Variants in SH2D4B observed in about 807,000 individuals in gnomAD.
SH2D4B encodes SH2 domain containing 4B.
A neutral mutation model predicts 61.5 loss-of-function variants in SH2D4B; 45 were observed. The ratio of observed to expected loss-of-function variants is 0.73; its 90% CI spans 0.58 to 0.94. The LOEUF (loss-of-function observed/expected upper bound fraction) is 0.94, where lower values mean the gene tolerates loss of function less well. SH2D4B is among the 40% of genes least tolerant of loss of function. SH2D4B has a pLI of 0.00. For synonymous variants in SH2D4B, 224 were observed against 220.4 expected (o/e 1.02, Z -0.14); for missense variants, 572 against 574.2 (o/e 1.00, Z 0.04).
chr10:80,606,700 T>A (rs1476700536), intron 5 of SH2D4B, among the ~76,000 whole-genome samples: 1 of 152,144 alleles, frequency 6.6e-6, no homozygotes, highest in Admixed American at 6.5e-5. Flanking sequence ...CTTAGAAAAT[T>A]CCTGAAAATT....
chr10:80,596,295 T>A (rs1374967165), intron 4 of SH2D4B, among the ~76,000 whole-genome samples: 1 of 152,180 alleles, frequency 6.6e-6, no homozygotes, highest in Non-Finnish European at 1.5e-5. Flanking sequence ...TGCCAAATAC[T>A]GCTAAAAACT....
chr10:80,611,910 G>T (rs1414839218), intron 6 of SH2D4B, among the ~76,000 whole-genome samples: 2 of 151,676 alleles, frequency 1.3e-5, no homozygotes. Context: ...ATGCAGAAAA[G>T]TTGCTGTTAC....
intron 6 of SH2D4B, 89 bp downstream of exon 6, chr10:80,609,640 T>G (rs549906511): frequency 6.3e-6 from 10 of 1,582,490 alleles, no homozygotes; most frequent in South Asian, 1.1e-5. Flanking sequence ...AGGACAGTTA[T>G]AATCAGGGGG....
At chr10:80,545,998 C>T (rs914177314) in intron 1 of SH2D4B, among the ~76,000 whole-genome samples, 6 of 147,846 alleles carry the variant, frequency 4.1e-5, no homozygotes, top group East Asian at 3.9e-4. Context: ...ATTTTCTCTC[C>T]TTTCTCTCTC....
At chr10:80,555,585 G>T (rs1366312630) in intron 1 of SH2D4B, among the ~76,000 whole-genome samples, 1 of 152,158 alleles carries the variant, frequency 6.6e-6, no homozygotes, top group African/African-American at 2.4e-5. Context: ...GTGCATACCT[G>T]TGAGTAAAGA....
chr10:80,587,130 GTTTTTTTTTTTTTTTGTTTTGTTTTT>G, intron 3 of SH2D4B, among the ~76,000 whole-genome samples: 1 of 67,244 alleles, frequency 1.5e-5, no homozygotes, highest in African/African-American at 9.1e-5. Context: ...TTCCGGCCAC[GTTTTTTTTTTTTTTTGTTTTGTTTTT>G]TTTTTTTTTT....
chr10:80,617,265 A>G (rs968281199), intron 6 of SH2D4B, among the ~76,000 whole-genome samples: 2 of 152,208 alleles, frequency 1.3e-5, no homozygotes, highest in Non-Finnish European at 2.9e-5. Flanking sequence ...GTGCCCAGCC[A>G]TCTCTGGGCT....
chr10:80,643,695 T>C (rs748384758), intron 7 of SH2D4B, among the ~76,000 whole-genome samples: 3 of 152,152 alleles, frequency 2.0e-5, no homozygotes, highest in Non-Finnish European at 4.4e-5. Context: ...CTCGGCTTGC[T>C]GTAACTGGTG....
intron 1 of SH2D4B, among the ~76,000 whole-genome samples, chr10:80,546,417 T>C (rs1564764706): frequency 6.6e-6 from 1 of 152,218 alleles, no homozygotes; most frequent in East Asian, 1.9e-4. Context: ...CTACTTTTTT[T>C]CTTTGCATTT....
chr10:80,623,134 C>T (rs377658771), intron 6 of SH2D4B, among the ~76,000 whole-genome samples: 14 of 152,270 alleles, frequency 9.2e-5, no homozygotes, highest in Admixed American at 5.9e-4. Context: ...AGGATTGTCT[C>T]GAACTCCTGA....
At chr10:80,592,838 T>C (rs149405368) in intron 4 of SH2D4B, among the ~76,000 whole-genome samples, 142 of 151,626 alleles carry the variant, frequency 9.4e-4, no homozygotes, top group African/African-American at 3.4e-3. Context: ...CATTTCAGCA[T>C]CCTGAGTAGC....
chr10:80,601,843 C>T (rs1387896312), intron 4 of SH2D4B, among the ~76,000 whole-genome samples: 1 of 152,160 alleles, frequency 6.6e-6, no homozygotes, highest in African/African-American at 2.4e-5. Flanking sequence ...TCTTGAGTGG[C>T]ACTGGAGTAG....
intron 1 of SH2D4B, among the ~76,000 whole-genome samples, chr10:80,566,503 C>T (rs557145457): frequency 6.6e-6 from 1 of 152,020 alleles, no homozygotes; most frequent in Non-Finnish European, 1.5e-5. Flanking sequence ...ATCATATTGG[C>T]CAAGCTGGTC....
chr10:80,634,169 G>T, intron 6 of SH2D4B, 116 bp from the exon 7 acceptor site: 2 of 1,365,124 alleles, frequency 1.5e-6, no homozygotes, highest in Non-Finnish European at 9.7e-7. Context: ...ACCCTGGACT[G>T]TGTGGATGGC....
intron 3 of SH2D4B, among the ~76,000 whole-genome samples, chr10:80,583,392 G>A (rs929695270): frequency 6.6e-6 from 1 of 152,042 alleles, no homozygotes. Context: ...GATGGAGCCG[G>A]GCGCGGTGGC....
chr10:80,580,019 G>A (rs1842170816), intron 3 of SH2D4B, among the ~76,000 whole-genome samples: 1 of 152,218 alleles, frequency 6.6e-6, no homozygotes. Flanking sequence ...GTCCTGTGCT[G>A]TGAACTGGCA....
intron 6 of SH2D4B, among the ~76,000 whole-genome samples, chr10:80,629,781 C>T (rs1242626816): frequency 6.6e-6 from 1 of 152,208 alleles, no homozygotes; most frequent in African/African-American, 2.4e-5. Flanking sequence ...TAAGACATAG[C>T]TATTAATATC....
intron 1 of SH2D4B, among the ~76,000 whole-genome samples, chr10:80,552,782 G>A (rs150061049): frequency 6.6e-6 from 1 of 152,076 alleles, no homozygotes. Context: ...TTAGATGTTG[G>A]GGTCTAAATT....
At chr10:80,633,848 T>C (rs1018001819) in intron 6 of SH2D4B, among the ~76,000 whole-genome samples, 13 of 152,252 alleles carry the variant, frequency 8.5e-5, no homozygotes, top group Non-Finnish European at 1.8e-4. Context: ...TTTATGGTAC[T>C]AGAGAAATAA....
Sources: allele counts gnomAD v4.1 joint callset (sites outside exome capture counted in the v4.1 genomes callset), GRCh38; gene constraint gnomAD v4.1.1; transcripts MANE v1.5; gene names NCBI Gene and HGNC (gene_info 2026-07-23, HGNC 2026-07-21).